Variants in PPP4R1 observed in about 807,000 individuals in gnomAD.
The protein encoded by PPP4R1 is serine/threonine-protein phosphatase 4 regulatory subunit 1.
Under a neutral mutation model 111.2 loss-of-function variants are expected in PPP4R1, and 42 were observed. That is an observed-to-expected ratio of 0.38 (90% CI 0.29 to 0.49). PPP4R1 has a LOEUF of 0.49. Among genes scored for constraint, PPP4R1 ranks in the 20% least tolerant of loss-of-function variants. The pLI is 0.97. For missense variants in PPP4R1, 1,012 were observed against 1,161.6 expected, an observed-to-expected ratio of 0.87 and a Z score of 1.87; for synonymous variants, 409 against 405.5, an observed-to-expected ratio of 1.01 and a Z score of -0.10.
chr18:9,556,022 T>A (rs2066575528), intron 15 of PPP4R1, among the ~76,000 whole-genome samples: 1 of 148,920 alleles, frequency 6.7e-6, no homozygotes, highest in South Asian at 2.1e-4. Context: ...TCGGCCGGGC[T>A]TAGTGGCACG....
chr18:9,567,154 C>T (rs1481983203), intron 11 of PPP4R1, among the ~76,000 whole-genome samples: 1 of 152,116 alleles, frequency 6.6e-6, no homozygotes, highest in East Asian at 1.9e-4. Flanking sequence ...GGAGCATTCA[C>T]GATTCATGGG....
intron 7 of PPP4R1, 60 bp downstream of exon 7, chr18:9,584,661 A>G: frequency 6.2e-7 from 1 of 1,601,950 alleles, no homozygotes; most frequent in East Asian, 2.2e-5. Flanking sequence ...ATCATGTATC[A>G]GTACATTAAC....
At chr18:9,557,411 T>C (rs1288106112) in intron 14 of PPP4R1, 29 bp from the exon 15 acceptor site, 2 of 1,567,868 alleles carry the variant, frequency 1.3e-6, no homozygotes, top group Non-Finnish European at 1.7e-6. Context: ...ATTAGTAAGC[T>C]AACCACAAAG....
chr18:9,557,051 A>G, intron 15 of PPP4R1, 170 bp downstream of exon 15: 1 of 556,440 alleles, frequency 1.8e-6, no homozygotes, highest in South Asian at 2.7e-5. Flanking sequence ...TAAAAGTGAG[A>G]GTATAATTAT....
intron 9 of PPP4R1, among the ~76,000 whole-genome samples, chr18:9,582,170 A>G (rs1568109896): frequency 1.3e-5 from 2 of 151,958 alleles, no homozygotes; most frequent in Admixed American, 6.6e-5. Flanking sequence ...AACTAAAAGC[A>G]AGCAGAAGGG....
chr18:9,597,252 T>A (rs1159201118), intron 2 of PPP4R1, among the ~76,000 whole-genome samples: 3 of 152,192 alleles, frequency 2.0e-5, no homozygotes, highest in Non-Finnish European at 4.4e-5. Flanking sequence ...ATGAGCCCTA[T>A]ATTCCTCCAG....
chr18:9,614,649 G>A (rs1028751483), upstream of PPP4R1: 3 of 180,480 alleles, frequency 1.7e-5, no homozygotes, highest in African/African-American at 2.5e-5. This position sits in a 1 kb window ranked among gnomAD's most constrained non-coding sequence, Gnocchi z 4.1. Context: ...GGCCTGCCGC[G>A]GGCGGCGCGG....
At chr18:9,553,277 T>C (rs1482597146) in intron 16 of PPP4R1, 45 bp downstream of exon 16, 6 of 1,387,170 alleles carry the variant, frequency 4.3e-6, no homozygotes, top group Admixed American at 1.8e-5. Flanking sequence ...ATGAAGTAAA[T>C]ATATACCCCT....
intron 2 of PPP4R1, among the ~76,000 whole-genome samples, chr18:9,596,687 C>T (rs1281597945): frequency 6.6e-6 from 1 of 152,160 alleles, no homozygotes; most frequent in Non-Finnish European, 1.5e-5. Flanking sequence ...AGAAAAGATT[C>T]ATCATTTCCT....
intron 2 of PPP4R1, among the ~76,000 whole-genome samples, chr18:9,599,191 C>T (rs957498426): frequency 1.3e-5 from 2 of 151,824 alleles, no homozygotes; most frequent in African/African-American, 2.4e-5. Context: ...TAATGTATGA[C>T]TATAATAGCA....
chr18:9,574,102 C>T (rs749238916), intron 10 of PPP4R1, among the ~76,000 whole-genome samples: 4 of 152,082 alleles, frequency 2.6e-5, no homozygotes, highest in Non-Finnish European at 5.9e-5. Context: ...CTTTGAAATG[C>T]TATTGTACAA....
chr18:9,612,817 A>G lies in PPP4R1; in HGVS notation c.52+1409T>C, dbSNP rs907862845. 6 of 152,342 alleles carry G rather than the reference A, an allele frequency of 3.9e-5. No individual in the cohort carries two copies. The East Asian group carries it at 1.2e-3, about 29-fold the overall frequency. 9.4% of individuals were successfully genotyped at this position (152,342 alleles called of 1,614,324 possible). On this transcript the variant is annotated intron_variant, in intron 2 of 19. Transcript: ENST00000400556. ...TAAAGCTGCCCTTCACTACATGAGT[A>G]CTGCTCCCTTTAAGAGAGCTGTTTT...
chr18:9,611,490 C>G (rs1444262891), intron 2 of PPP4R1, among the ~76,000 whole-genome samples: 1 of 152,178 alleles, frequency 6.6e-6, no homozygotes, highest in Non-Finnish European at 1.5e-5. Context: ...CATTCTTTCT[C>G]CCTTCACAAG....
At chr18:9,577,805 G>A (rs532466212) in intron 9 of PPP4R1, among the ~76,000 whole-genome samples, 1 of 152,298 alleles carries the variant, frequency 6.6e-6, no homozygotes, top group Non-Finnish European at 1.5e-5. Context: ...AGAAGGTCCT[G>A]CTGTGTTCTC....
intron 15 of PPP4R1, among the ~76,000 whole-genome samples, chr18:9,555,886 C>T (rs556313917): frequency 6.6e-6 from 1 of 152,110 alleles, no homozygotes; most frequent in South Asian, 2.1e-4. Flanking sequence ...CCTGTAATCC[C>T]AGCACTTTGG....
chr18:9,549,042 T>C (rs1424967996), intron 19 of PPP4R1, among the ~76,000 whole-genome samples, 155 bp downstream of exon 19: 1 of 152,256 alleles, frequency 6.6e-6, no homozygotes, highest in Non-Finnish European at 1.5e-5. Context: ...TTCCATGCCC[T>C]CTTGGGAGAA....
Position 9,575,818 on chromosome 18 carries a change from G to A in PPP4R1, c.1046+1246C>T, listed in dbSNP as rs138837009. 6.7e-3 allele frequency among the ~76,000 whole-genome samples: 1,020 copies of A among 151,790 alleles called. 14 individuals are homozygous for A. Among genetic ancestry groups the A allele is most frequent in the African/African-American group, 0.024 (970 of 41,132 alleles). On this transcript the variant is annotated intron_variant, in intron 10 of 19. Coordinates refer to ENST00000400556, the MANE Select transcript of PPP4R1 (RefSeq NM_001042388.3). ...GAAACAGAAGAAAGTTTACCAGCTC[G>A]TCCTATACAGTTCTCTGCAAATTTA...
At chr18:9,563,209 A>C in intron 12 of PPP4R1, 169 bp downstream of exon 12, 5 of 1,196,392 alleles carry the variant, frequency 4.2e-6, no homozygotes, top group Non-Finnish European at 5.6e-6. Flanking sequence ...CACTAATGTC[A>C]CGAGGACAGG....
At chr18:9,592,479 G>A (rs2067227156) in intron 4 of PPP4R1, among the ~76,000 whole-genome samples, 1 of 152,172 alleles carries the variant, frequency 6.6e-6, no homozygotes, top group Non-Finnish European at 1.5e-5. Context: ...TATGTTGGCT[G>A]CATTCACTAA....
Sources: allele counts gnomAD v4.1 joint callset (sites outside exome capture counted in the v4.1 genomes callset), GRCh38; gene constraint gnomAD v4.1.1; non-coding constraint Gnocchi (gnomAD v3.1); transcripts MANE v1.5; gene names NCBI Gene and HGNC (gene_info 2026-07-23, HGNC 2026-07-21).